Variants in XKR9 observed in about 807,000 individuals in gnomAD.
XKR9 encodes the protein XK related 9, also known as XK-related protein 9.
In XKR9, 32 loss-of-function variants were observed where a neutral mutation model predicts 32.0. The observed-to-expected ratio is 1.00, with a 90% CI of 0.76 to 1.34. The LOEUF (loss-of-function observed/expected upper bound fraction) is 1.34. Among genes scored for constraint, XKR9 ranks in the 40% most tolerant of loss-of-function variants. XKR9 has a pLI of 0.00. For missense variants in XKR9, 546 were observed against 429.7 expected (o/e 1.27, Z -2.39); for synonymous variants, 168 against 143.4 (o/e 1.17, Z -1.22).
At chr8:71,019,693 A>G in the XKR9 span, among the ~76,000 whole-genome samples, 30 of 152,340 alleles carry the variant, frequency 2.0e-4, 1 homozygote, top group South Asian at 6.2e-3. Flanking sequence ...TAACCTTCAA[A>G]TAGGAATGGA....
chr8:70,988,728 T>C, the XKR9 span, among the ~76,000 whole-genome samples: 2 of 152,244 alleles, frequency 1.3e-5, no homozygotes, highest in African/African-American at 4.8e-5. Context: ...TGCAGTTCAA[T>C]AGTGTTAAGT....
chr8:70,695,277 T>G (rs111627163), intron 3 of XKR9, among the ~76,000 whole-genome samples: 2 of 149,968 alleles, frequency 1.3e-5, no homozygotes, highest in Admixed American at 1.3e-4. Flanking sequence ...GCTGCACCCA[T>G]TAACTCGTCA....
chr8:70,726,195 A>G (rs1309723775), intron 4 of XKR9, among the ~76,000 whole-genome samples: 1 of 152,242 alleles, frequency 6.6e-6, no homozygotes, highest in Non-Finnish European at 1.5e-5. Flanking sequence ...AATCATTGAT[A>G]CTTTGTAAAT....
At chr8:70,764,019 A>G (rs1180801564) in intron 2 of XKR9, among the ~76,000 whole-genome samples, 1 of 152,174 alleles carries the variant, frequency 6.6e-6, no homozygotes, top group Non-Finnish European at 1.5e-5. Context: ...GTCTGTCTCA[A>G]GTTTTTAGCC....
chr8:70,869,778 C>T, the XKR9 span, among the ~76,000 whole-genome samples: 2 of 152,278 alleles, frequency 1.3e-5, no homozygotes, highest in Non-Finnish European at 1.5e-5. Context: ...GCACACAGTA[C>T]GTTAGGTGGG....
the XKR9 span, among the ~76,000 whole-genome samples, chr8:71,007,028 A>G: frequency 6.6e-6 from 1 of 152,206 alleles, no homozygotes; most frequent in African/African-American, 2.4e-5. Flanking sequence ...TGTTATAATC[A>G]GAGAGGTTTA....
At chr8:70,994,649 C>A in the XKR9 span, among the ~76,000 whole-genome samples, 5 of 151,160 alleles carry the variant, frequency 3.3e-5, no homozygotes, top group African/African-American at 1.2e-4. Flanking sequence ...AGGTTCTTGG[C>A]CATTATTACT....
chr8:71,001,153 G>A, the XKR9 span, among the ~76,000 whole-genome samples: 1 of 152,206 alleles, frequency 6.6e-6, no homozygotes, highest in East Asian at 1.9e-4. Flanking sequence ...TGGATTAGCA[G>A]CTACTTAAAA....
At chr8:70,979,280 C>A in the XKR9 span, among the ~76,000 whole-genome samples, 3 of 152,196 alleles carry the variant, frequency 2.0e-5, no homozygotes, top group Non-Finnish European at 4.4e-5. Context: ...TGTTTCACTG[C>A]TGGCGAGGAG....
At chr8:71,051,746 C>A in the XKR9 span, among the ~76,000 whole-genome samples, 1 of 152,152 alleles carries the variant, frequency 6.6e-6, no homozygotes, top group Non-Finnish European at 1.5e-5. Flanking sequence ...ATAATAGAAA[C>A]AGCTTAAACC....
At chr8:70,865,723 A>T in the XKR9 span, among the ~76,000 whole-genome samples, 5 of 152,176 alleles carry the variant, frequency 3.3e-5, no homozygotes, top group African/African-American at 7.2e-5. Context: ...GTCAAAAGGG[A>T]TAATGGAAGA....
chr8:71,039,968 G>A, the XKR9 span, among the ~76,000 whole-genome samples: 1 of 152,142 alleles, frequency 6.6e-6, no homozygotes, highest in Non-Finnish European at 1.5e-5. Flanking sequence ...AATGGAAAAA[G>A]CCCTATATCT....
At chr8:70,902,403 CT>C in the XKR9 span, among the ~76,000 whole-genome samples, 9 of 152,070 alleles carry the variant, frequency 5.9e-5, no homozygotes, top group African/African-American at 2.2e-4. Flanking sequence ...GTATTTTATT[CT>C]CTTTGAAGCA....
chr8:70,870,871 T>A, the XKR9 span, among the ~76,000 whole-genome samples: 5 of 152,252 alleles, frequency 3.3e-5, no homozygotes, highest in African/African-American at 1.2e-4. Context: ...AAAGTCTTAA[T>A]AACAAAAGAA....
At chr8:70,706,211 A>G (rs1805713297) in intron 3 of XKR9, among the ~76,000 whole-genome samples, 2 of 152,140 alleles carry the variant, frequency 1.3e-5, no homozygotes, top group African/African-American at 4.8e-5. Flanking sequence ...GATTTCTTCT[A>G]AATAAATGTT....
the XKR9 span, among the ~76,000 whole-genome samples, chr8:70,992,554 C>T: frequency 2.0e-5 from 3 of 152,152 alleles, no homozygotes; most frequent in Non-Finnish European, 4.4e-5. Flanking sequence ...CTTTGCCTGG[C>T]TTTGTGAGAC....
chr8:70,834,566 A>G, the XKR9 span, among the ~76,000 whole-genome samples: 5 of 152,126 alleles, frequency 3.3e-5, no homozygotes, highest in African/African-American at 1.2e-4. Context: ...TTTTTATTCA[A>G]AAATATATCT....
chr8:70,941,923 G>T, the XKR9 span, among the ~76,000 whole-genome samples: 2 of 152,164 alleles, frequency 1.3e-5, no homozygotes, highest in South Asian at 2.1e-4. Flanking sequence ...TCAACCTGAA[G>T]AAATGAGATT....
the XKR9 span, among the ~76,000 whole-genome samples, chr8:70,811,714 A>G: frequency 2.6e-5 from 4 of 152,362 alleles, no homozygotes; most frequent in Admixed American, 6.5e-5. Flanking sequence ...ATTCCTCAAC[A>G]CATACACACT....
Sources: allele counts gnomAD v4.1 joint callset (sites outside exome capture counted in the v4.1 genomes callset), GRCh38; gene constraint gnomAD v4.1.1; transcripts MANE v1.5; gene names NCBI Gene and HGNC (gene_info 2026-07-23, HGNC 2026-07-21).